The following SMIM17 variants were observed in gnomAD, a reference collection of about 807,000 sequenced individuals.
SMIM17 encodes small integral membrane protein 17.
SMIM17 carries 10 observed loss-of-function variants against 12.2 expected under a neutral mutation model. That is an observed-to-expected ratio of 0.82 (90% CI 0.50 to 1.39). The LOEUF is 1.39. SMIM17 is among the 40% of genes most tolerant of loss of function. The probability of loss-of-function intolerance (pLI) is 0.00; values close to 1 mark genes in which losing one functional copy is unlikely to be tolerated. For synonymous variants in SMIM17, 50 were observed against 44.1 expected (o/e 1.13, Z -0.53); for missense variants, 136 against 118.2 (o/e 1.15, Z -0.70).
chr19:56,648,171 C>A (rs924267538), intron 3 of SMIM17, among the ~76,000 whole-genome samples: 1 of 104,130 alleles, frequency 9.6e-6, no homozygotes, highest in Non-Finnish European at 2.1e-5. Flanking sequence ...TCCATCCATC[C>A]ATCCATCCAT....
chr19:56,647,543 C>G lies in SMIM17; in HGVS notation c.170-15C>G. 1 of 1,533,914 alleles carries G rather than the reference C, an allele frequency of 6.5e-7. No individual in the cohort carries two copies. Among genetic ancestry groups the G allele is most frequent in the African/African-American group, 1.4e-5 (1 of 73,004 alleles). The stretch of plus-strand genomic sequence containing the variant: ...ACTCATGGCTCCTTTTTCCTCCACT[C>G]CCACCCTCACCCAGACCTGTCTTCT... On this transcript the variant is annotated splice_polypyrimidine_tract_variant and intron_variant, in intron 2 of 3. Coordinates refer to ENST00000598409, the MANE Select transcript of SMIM17 (RefSeq NM_001193628.2).
At chr19:56,652,767 C>T (rs966258763) in intron 3 of SMIM17, among the ~76,000 whole-genome samples, 2 of 152,016 alleles carry the variant, frequency 1.3e-5, no homozygotes, top group South Asian at 2.1e-4. Flanking sequence ...CCCTGGAGGG[C>T]GAATTAACCT....
In SMIM17 at chr19:56,647,609, A is replaced by T; in HGVS notation, c.221A>T (p.Glu74Val). ...GLSQEWSSVEEDDESEGSQGF... is the reference protein window; with the variant it reads ...GLSQEWSSVEVDDESEGSQGF... ...TCCCAGGAGTGGAGCTCGGTGGAGG[A>T]AGATGACGAATCAGAGGGCTCCCAG... is the stretch of plus-strand genomic sequence containing the variant. Residue 74 changes from glutamate to valine, a missense_variant, in exon 3 of 4, where the codon GAA (glutamate) becomes GTA (valine). Glu to Val is a moderately radical substitution (Grantham distance 121). Coordinates refer to ENST00000598409, the MANE Select transcript of SMIM17 (RefSeq NM_001193628.2). 2 of 1,532,582 alleles carry T rather than the reference A, an allele frequency of 1.3e-6. No individual in the cohort carries two copies. The highest frequency in any genetic ancestry group is 1.7e-6 in the Non-Finnish European group (2 of 1,145,404). 94.9% of individuals were successfully genotyped at this position (1,532,582 alleles called of 1,614,324 possible).
At chr19:56,654,902 C>T (rs1034095340) in intron 3 of SMIM17, among the ~76,000 whole-genome samples, 13 of 152,100 alleles carry the variant, frequency 8.5e-5, no homozygotes, top group African/African-American at 1.2e-4. Context: ...TCCCATTATT[C>T]GAACATTTCC....
At chr19:56,653,332 T>C (rs1016722482) in intron 3 of SMIM17, among the ~76,000 whole-genome samples, 6 of 152,238 alleles carry the variant, frequency 3.9e-5, no homozygotes, top group African/African-American at 1.2e-4. Context: ...GGCAAAATTG[T>C]TATTCCTCCA....
At chr19:56,647,488 G>A in intron 2 of SMIM17, 70 bp from the exon 3 acceptor site, 1 of 1,145,070 alleles carries the variant, frequency 8.7e-7, no homozygotes, top group East Asian at 2.6e-5. Context: ...ATGCCAGTGG[G>A]AAGAGCCCAC....
chr19:56,653,537 C>T (rs910387516), intron 3 of SMIM17, among the ~76,000 whole-genome samples: 5 of 152,176 alleles, frequency 3.3e-5, no homozygotes, highest in East Asian at 1.9e-4. Context: ...CTACAATGAG[C>T]GTTTGTTCAG....
chr19:56,645,887 G>A, intron 2 of SMIM17, 51 bp downstream of exon 2: 1 of 1,481,500 alleles, frequency 6.7e-7, no homozygotes, highest in Admixed American at 2.3e-5. Context: ...GGAAGGAATT[G>A]GCAGAGCCTA....
chr19:56,655,087 CT>C lies in SMIM17; in HGVS notation c.247-10del. The C allele has an allele frequency of 1.5e-6, 1 of 668,906 alleles. No individual in the cohort carries two copies. The allele number at this position is 668,906 out of a possible 1,614,324, so 41.4% of individuals were successfully genotyped here. A position where few individuals can be genotyped will look rare whatever the true frequency, so the allele number is the denominator to read the frequency against. The stretch of plus-strand genomic sequence containing the variant: ...TTCCTTTCCAATATTTATCCTTTTC[CT>C]TTTTTCTGTTTCAGGGCTTTGTGGA... On this transcript the variant is annotated splice_polypyrimidine_tract_variant and intron_variant, in intron 3 of 3. Transcript: ENST00000598409.
At chr19:56,654,343 C>G (rs1464706939) in intron 3 of SMIM17, among the ~76,000 whole-genome samples, 2 of 152,158 alleles carry the variant, frequency 1.3e-5, no homozygotes, top group Non-Finnish European at 2.9e-5. Flanking sequence ...GTGGCTGGAA[C>G]AGAGTGAGAA....
chr19:56,649,417 C>G (rs190770263), intron 3 of SMIM17, among the ~76,000 whole-genome samples: 4 of 149,130 alleles, frequency 2.7e-5, no homozygotes, highest in Non-Finnish European at 5.9e-5. Flanking sequence ...TCACAGTCAC[C>G]GAGGTAGACA....
Position 56,656,349 on chromosome 19 carries a change from G to T in SMIM17, c.*1136G>T, listed in dbSNP as rs1368596804. Among the ~76,000 whole-genome samples the T allele has an allele frequency of 2.6e-5, 4 of 151,754 alleles. No homozygotes were observed. The highest frequency in any genetic ancestry group is 7.3e-5 in the African/African-American group (3 of 41,280). On this transcript the variant is annotated 3_prime_UTR_variant, in exon 4 of 4. Coordinates refer to ENST00000598409, the MANE Select transcript of SMIM17 (RefSeq NM_001193628.2). ...ATAATTAAAAATTTCTCTTTATTTT[G>T]TTCTATCCCCTGTTTCCTGTAAACT...
intron 3 of SMIM17, among the ~76,000 whole-genome samples, chr19:56,652,471 G>A (rs2045116947): frequency 6.6e-6 from 1 of 151,924 alleles, no homozygotes; most frequent in African/African-American, 2.4e-5. Context: ...TGGCCAAGAC[G>A]GTGAAACCCC....
In SMIM17 at chr19:56,645,620, G is replaced by T. The variant is rs111908294; in HGVS notation, c.-48G>T. ...AGAACCAGAGAGGACCCTGGAGCAG[G>T]AGGAGAAAGAGAAGCTTGTCTCAGA... On this transcript the variant is annotated 5_prime_UTR_variant, in exon 2 of 4. Coordinates refer to ENST00000598409, the MANE Select transcript of SMIM17 (RefSeq NM_001193628.2). 3.3e-4 allele frequency: 477 copies of T among 1,432,576 alleles called. 2 individuals are homozygous for T. In the African/African-American group the frequency reaches 6.1e-3, roughly 18 times the overall value. 88.7% of individuals were successfully genotyped at this position (1,432,576 alleles called of 1,614,324 possible).
At position 56,655,496 on chromosome 19, in the gene SMIM17, T is replaced by C; in HGVS notation, c.*283T>C. 1 of 389,944 alleles carries C rather than the reference T, an allele frequency of 2.6e-6. No individual in the cohort carries two copies. The highest frequency in any genetic ancestry group is 4.5e-6 in the Non-Finnish European group (1 of 220,752). 24.2% of individuals were successfully genotyped at this position (389,944 alleles called of 1,614,324 possible). A position where few individuals can be genotyped will look rare whatever the true frequency, so the allele number is the denominator to read the frequency against. Reference sequence around the variant, plus strand: ...AAGATGCCACCAACTGGAAGATATCTCCTGACTTTGAGAAGATGAAAAAAT... The same window carrying C: ...AAGATGCCACCAACTGGAAGATATCCCCTGACTTTGAGAAGATGAAAAAAT... On this transcript the variant is annotated 3_prime_UTR_variant, in exon 4 of 4. Transcript: ENST00000598409.
In SMIM17 at chr19:56,657,052, T is replaced by C. The variant is rs1568520269; in HGVS notation, c.*1839T>C. The stretch of plus-strand genomic sequence containing the variant: ...TATTCATTAAAAACCAATAAGGTTA[T>C]GTGAAACTTTGTTAGTACAATTGTT... On this transcript the variant is annotated 3_prime_UTR_variant, in exon 4 of 4. Transcript: ENST00000598409. Among the ~76,000 whole-genome samples the C allele has an allele frequency of 6.6e-6, 1 of 152,246 alleles. No homozygotes were observed. Among genetic ancestry groups the C allele is most frequent in the African/African-American group, 2.4e-5 (1 of 41,476 alleles).
chr19:56,650,463 C>T (rs141393723), intron 3 of SMIM17, among the ~76,000 whole-genome samples: 75 of 152,312 alleles, frequency 4.9e-4, no homozygotes, highest in Non-Finnish European at 1.0e-3. Flanking sequence ...TGAGCCACGA[C>T]GCCCAGCCAG....
Position 56,656,556 on chromosome 19 carries a change from A to G in SMIM17, c.*1343A>G, listed in dbSNP as rs2045153665. On this transcript the variant is annotated 3_prime_UTR_variant, in exon 4 of 4. Coordinates refer to ENST00000598409, the MANE Select transcript of SMIM17 (RefSeq NM_001193628.2). ...TTTTCTTCTTTGTCTCAGTTTTTAT[A>G]CTGAATACTTGATTTATATTCTCTT... Among the ~76,000 whole-genome samples, 1 of 152,062 alleles carries G rather than the reference A, an allele frequency of 6.6e-6. No homozygotes were observed. Among genetic ancestry groups the G allele is most frequent in the African/African-American group, 2.4e-5 (1 of 41,406 alleles).
intron 3 of SMIM17, 48 bp from the exon 4 acceptor site, chr19:56,655,055 T>C (rs2045138804): frequency 3.2e-6 from 2 of 631,552 alleles, no homozygotes; most frequent in Non-Finnish European, 5.8e-6. Context: ...GTAACAATGG[T>C]GGCCCCTTCC....
Sources: allele counts gnomAD v4.1 joint callset (sites outside exome capture counted in the v4.1 genomes callset), GRCh38; gene constraint gnomAD v4.1.1; transcripts MANE v1.5; gene names NCBI Gene and HGNC (gene_info 2026-07-23, HGNC 2026-07-21).